Variants in CTNND2 observed in about 807,000 individuals in gnomAD.
CTNND2 encodes catenin delta 2.
Under a neutral mutation model 144.4 loss-of-function variants are expected in CTNND2, and 22 were observed. The observed-to-expected ratio is 0.15, with a 90% CI of 0.11 to 0.22. The LOEUF (loss-of-function observed/expected upper bound fraction) is 0.22. CTNND2 is among the 10% of genes least tolerant of loss of function. The probability of loss-of-function intolerance (pLI) is 1.00; values close to 1 mark genes in which losing one functional copy is unlikely to be tolerated. For synonymous variants in CTNND2, 751 were observed against 695.6 expected, an observed-to-expected ratio of 1.08 and a Z score of -1.25; for missense variants, 1,353 against 1,618.8, an observed-to-expected ratio of 0.84 and a Z score of 2.82.
intron 2 of CTNND2, among the ~76,000 whole-genome samples, chr5:11,570,146 T>C (rs1334226179): frequency 5.9e-5 from 9 of 152,182 alleles, no homozygotes; most frequent in South Asian, 2.1e-4. Context: ...ACTCCTCCGA[T>C]TTGTATAAAA....
intron 1 of CTNND2, among the ~76,000 whole-genome samples, chr5:11,828,827 G>C (rs1365072777): frequency 6.6e-6 from 1 of 152,200 alleles, no homozygotes; most frequent in Admixed American, 6.5e-5. Context: ...GGTTGGAACA[G>C]TTTGAAGGGC....
chr5:11,458,187 C>T (rs548298688), intron 3 of CTNND2, among the ~76,000 whole-genome samples: 1 of 152,342 alleles, frequency 6.6e-6, no homozygotes, highest in South Asian at 2.1e-4. Context: ...AAGGGGTCTA[C>T]TCAGGAAACA....
intron 2 of CTNND2, among the ~76,000 whole-genome samples, chr5:11,713,675 C>G (rs1786171182): frequency 6.6e-6 from 1 of 151,116 alleles, no homozygotes; most frequent in Non-Finnish European, 1.5e-5. Flanking sequence ...GATAAGACTT[C>G]TGCAACAACC....
At chr5:11,422,098 C>T (rs1223883093) in intron 3 of CTNND2, among the ~76,000 whole-genome samples, 1 of 152,146 alleles carries the variant, frequency 6.6e-6, no homozygotes, top group African/African-American at 2.4e-5. Context: ...AGCTAATTCA[C>T]AGAACTGAAA....
rs144134088 is a variant in CTNND2 at position 11,702,732 on chromosome 5, C to A, written c.174+29404G>T. On this transcript the variant is annotated intron_variant, in intron 2 of 21. Transcript: ENST00000304623. ...ATCTTGAGGGCTTCCCCTGGGTACT[C>A]TTCAAAAACACAGAGGTTGTTAGCA... Among the ~76,000 whole-genome samples the A allele has an allele frequency of 1.9e-3, 292 of 152,296 alleles. 1 individual carries two copies. Among genetic ancestry groups the A allele is most frequent in the Non-Finnish European group, 2.5e-3 (171 of 68,034 alleles).
intron 8 of CTNND2, among the ~76,000 whole-genome samples, chr5:11,350,630 A>T (rs903310687): frequency 6.6e-6 from 1 of 152,312 alleles, no homozygotes; most frequent in Admixed American, 6.5e-5. Flanking sequence ...CAAAATATAA[A>T]ACCTCAAGCC....
intron 1 of CTNND2, among the ~76,000 whole-genome samples, chr5:11,879,700 G>A (rs568026941): frequency 5.9e-5 from 9 of 152,098 alleles, no homozygotes; most frequent in African/African-American, 2.2e-4. Flanking sequence ...AAAAACTATA[G>A]GTTCGCAAAG....
chr5:11,168,680 C>T (rs1469122369), intron 11 of CTNND2, among the ~76,000 whole-genome samples: 1 of 152,148 alleles, frequency 6.6e-6, no homozygotes, highest in Non-Finnish European at 1.5e-5. Flanking sequence ...TATCTGACAG[C>T]TGTCATATTC....
chr5:11,542,361 T>C (rs930505080), intron 3 of CTNND2, among the ~76,000 whole-genome samples: 2 of 152,220 alleles, frequency 1.3e-5, no homozygotes, highest in Non-Finnish European at 2.9e-5. Context: ...GCTCATTTTC[T>C]GGGTAAATTC....
intron 2 of CTNND2, among the ~76,000 whole-genome samples, chr5:11,716,399 G>C (rs960697177): frequency 6.6e-6 from 1 of 152,106 alleles, no homozygotes; most frequent in Non-Finnish European, 1.5e-5. Flanking sequence ...TCAAATTCAA[G>C]CATGTGCCCA....
At chr5:11,870,609 G>A (rs191804290) in intron 1 of CTNND2, among the ~76,000 whole-genome samples, 5 of 152,242 alleles carry the variant, frequency 3.3e-5, no homozygotes, top group Admixed American at 6.5e-5. Context: ...GTGCCTAGTC[G>A]GCTTTTACAG....
chr5:11,523,598 C>T (rs576078924), intron 3 of CTNND2, among the ~76,000 whole-genome samples: 23 of 152,304 alleles, frequency 1.5e-4, no homozygotes, highest in African/African-American at 5.5e-4. Context: ...CAGAGAAGAA[C>T]TTTTGATGAA....
chr5:11,508,750 A>G (rs1183092103), intron 3 of CTNND2, among the ~76,000 whole-genome samples: 1 of 152,138 alleles, frequency 6.6e-6, no homozygotes, highest in Non-Finnish European at 1.5e-5. Flanking sequence ...CATCTCTACT[A>G]AAAATACAAA....
At chr5:10,987,304 C>CTCGCCCCCCCTCTTTGGCCCCT in intron 20 of CTNND2, among the ~76,000 whole-genome samples, 1 of 152,282 alleles carries the variant, frequency 6.6e-6, no homozygotes, top group South Asian at 2.1e-4. Context: ...GTGTACAAGA[C>CTCGCCCCCCCTCTTTGGCCCCT]GTACAGACTA....
chr5:11,733,965 G>A (rs1481888631), intron 1 of CTNND2, among the ~76,000 whole-genome samples: 3 of 152,100 alleles, frequency 2.0e-5, no homozygotes, highest in South Asian at 2.1e-4. Flanking sequence ...CCTTTGAGAG[G>A]AGATGAAGTC....
intron 2 of CTNND2, among the ~76,000 whole-genome samples, chr5:11,634,162 T>C (rs944927026): frequency 1.3e-5 from 2 of 152,192 alleles, no homozygotes; most frequent in East Asian, 3.9e-4. Context: ...TTCAACCGAC[T>C]ATATACTCAT....
chr5:11,216,510 T>C (rs1739216047), intron 10 of CTNND2, among the ~76,000 whole-genome samples: 1 of 152,150 alleles, frequency 6.6e-6, no homozygotes, highest in Non-Finnish European at 1.5e-5. Context: ...GACCAAGGAA[T>C]GCAAGAAGCC....
At chr5:11,005,730 T>C (rs1039096372) in intron 18 of CTNND2, among the ~76,000 whole-genome samples, 4 of 152,178 alleles carry the variant, frequency 2.6e-5, no homozygotes, top group Non-Finnish European at 2.9e-5. Flanking sequence ...ACTGGATGTA[T>C]GGACAGTTAC....
intron 16 of CTNND2, among the ~76,000 whole-genome samples, chr5:11,069,661 GAGAC>G (rs1202623162): frequency 3.0e-4 from 12 of 40,196 alleles, no homozygotes; most frequent in Non-Finnish European, 5.0e-4. Context: ...GAGAGAGAGA[GAGAC>G]AGACAGACAG....
Sources: gnomAD v4.1 joint callset for allele counts (sites outside exome capture counted in the v4.1 genomes callset) on GRCh38, gnomAD v4.1.1 for gene constraint, MANE v1.5 for transcripts, NCBI Gene and HGNC (gene_info 2026-07-23, HGNC 2026-07-21) for gene names.